Variants in PANK4 observed in about 807,000 individuals in gnomAD.
The protein encoded by PANK4 is pantothenate kinase 4 (inactive).
PANK4 carries 40 observed loss-of-function variants against 87.9 expected under a neutral mutation model. That is an observed-to-expected ratio of 0.46 (90% CI 0.35 to 0.59). The LOEUF (loss-of-function observed/expected upper bound fraction) is 0.59. Among genes scored for constraint, PANK4 ranks in the 20% least tolerant of loss-of-function variants. PANK4 has a pLI of 0.00. For synonymous variants in PANK4, 524 were observed against 467.4 expected (o/e 1.12, Z -1.56); for missense variants, 926 against 1,072.3 (o/e 0.86, Z 1.90).
At chr1:2,524,963 G>C (rs896023032) in intron 1 of PANK4, among the ~76,000 whole-genome samples, 4 of 152,126 alleles carry the variant, frequency 2.6e-5, no homozygotes, top group Non-Finnish European at 5.9e-5. Context: ...TCAGTCCCAA[G>C]TCCTATCAGC....
At chr1:2,521,544 C>G in intron 2 of PANK4, 174 bp downstream of exon 2, 1 of 731,024 alleles carries the variant, frequency 1.4e-6, no homozygotes, top group Non-Finnish European at 2.4e-6. Flanking sequence ...CAGGTTCCTA[C>G]AAAGGGTCTT....
chr1:2,523,618 C>T lies in PANK4; in HGVS notation c.125-1818G>A, dbSNP rs571439263. ...GGGGTGGGTTGGTTTCTGCAAGATA[C>T]GCATCCTCCCTCCCTGAGACCCCTG... is the stretch of plus-strand genomic sequence containing the variant. On this transcript the variant is annotated intron_variant, in intron 1 of 18. Transcript: ENST00000378466. Among the ~76,000 whole-genome samples the T allele has an allele frequency of 2.0e-5, 3 of 152,310 alleles. No homozygotes were observed. The South Asian group carries it at 6.2e-4, about 32-fold the overall frequency.
chr1:2,525,401 A>T (rs1324257299), intron 1 of PANK4, among the ~76,000 whole-genome samples: 1 of 152,080 alleles, frequency 6.6e-6, no homozygotes, highest in African/African-American at 2.4e-5. Context: ...AAGCAGACTC[A>T]GCCTACGACC....
chr1:2,522,820 GGTGC>G, intron 1 of PANK4, among the ~76,000 whole-genome samples: 5 of 1,386 alleles, frequency 3.6e-3, no homozygotes, highest in Admixed American at 6.5e-3. Context: ...GGCACTGGAT[GGTGC>G]TATAGTGACT....
chr1:2,512,599 T>C lies in PANK4; in HGVS notation c.1727+289A>G, dbSNP rs78763716. 1.2e-3 allele frequency: 539 copies of C among 446,160 alleles called. 2 individuals are homozygous for C. Among genetic ancestry groups the C allele is most frequent in the African/African-American group, 9.9e-3 (487 of 49,362 alleles). 27.6% of individuals were successfully genotyped at this position (446,160 alleles called of 1,614,324 possible). On this transcript the variant is annotated intron_variant, in intron 13 of 18. Coordinates refer to ENST00000378466, the MANE Select transcript of PANK4 (RefSeq NM_018216.4). ...GAAACATGAATTTGGATTCTGACAATAGAAAATGCCAGCCCCGATTTTCAA... is the reference window on the plus strand; with the variant it reads ...GAAACATGAATTTGGATTCTGACAACAGAAAATGCCAGCCCCGATTTTCAA...
chr1:2,509,045 C>G lies in PANK4; in HGVS notation c.2124G>C (p.Gly708=), dbSNP rs1643616413. 6.3e-7 allele frequency: 1 copy of G among 1,598,750 alleles called. No individual in the cohort carries two copies. The highest frequency in any genetic ancestry group is 8.5e-7 in the Non-Finnish European group (1 of 1,178,702). ...CACGCTCCCGCACCAGTGCGGCCAG[C>G]CCCTTATCCAGGCGGCTTTGGGGAG... is the stretch of plus-strand genomic sequence containing the variant. ...PCLDLSRLDK[G]LAALVRERGA... is the part of the protein sequence containing the mutation. The change falls in exon 19 of 19, where the codon GGG becomes GGC. Residue 708 remains glycine (G), a synonymous_variant. Transcript: ENST00000378466. The surrounding 1 kb of genome is among the most constrained non-coding windows in gnomAD (Gnocchi z 4.9).
chr1:2,511,491 C>T (rs1643660998), intron 14 of PANK4, 104 bp from the exon 15 acceptor site: 4 of 1,105,496 alleles, frequency 3.6e-6, no homozygotes, highest in Admixed American at 3.4e-5. Flanking sequence ...GTTCTCCCCG[C>T]CCCCGAAGCC....
At position 2,515,113 on chromosome 1, in the gene PANK4, G is replaced by A; in HGVS notation, c.1374+449C>T. 2.8e-6 allele frequency: 1 copy of A among 360,304 alleles called. No homozygotes were observed. The highest frequency in any genetic ancestry group is 5.5e-6 in the Non-Finnish European group (1 of 182,242). The allele number at this position is 360,304 out of a possible 1,614,324, so 22.3% of individuals were successfully genotyped here. A position where few individuals can be genotyped will look rare whatever the true frequency, so the allele number is the denominator to read the frequency against. On this transcript the variant is annotated intron_variant, in intron 10 of 18. Transcript: ENST00000378466. The surrounding 1 kb of genome is among the most constrained non-coding windows in gnomAD (Gnocchi z 5.0). The stretch of plus-strand genomic sequence containing the variant: ...GAGGGGCAGCGTGGCCCAGGGCCTG[G>A]CATTTGCTCCACGGGACCAGCCCAG...
At chr1:2,522,201 G>A (rs139157953) in intron 1 of PANK4, among the ~76,000 whole-genome samples, 147 of 152,286 alleles carry the variant, frequency 9.7e-4, no homozygotes, top group African/African-American at 3.3e-3. Context: ...GGCTGTTTTC[G>A]TTTTAAGAAG....
In PANK4 at chr1:2,510,865, C is replaced by G; in HGVS notation, c.1834-83G>C. Reference sequence around the variant, plus strand: ...CGCACCCCTGCTGCCCGTCACGCTGCCCTGCAGGGGCCGAGACTGGGGGCT... The same window carrying G: ...CGCACCCCTGCTGCCCGTCACGCTGGCCTGCAGGGGCCGAGACTGGGGGCT... On this transcript the variant is annotated intron_variant, in intron 15 of 18. Transcript: ENST00000378466. This position sits in a 1 kb window ranked among gnomAD's most constrained non-coding sequence, Gnocchi z 4.9. 1.2e-6 allele frequency: 1 copy of G among 838,688 alleles called. No individual in the cohort carries two copies. The highest frequency in any genetic ancestry group is 2.1e-6 in the Non-Finnish European group (1 of 486,990). The allele number at this position is 838,688 out of a possible 1,614,324, so 52.0% of individuals were successfully genotyped here.
rs779889996 is a variant in PANK4, at chr1:2,510,034, C to G, written c.2039+23G>C. The G allele has an allele frequency of 1.3e-6, 2 of 1,589,098 alleles. No homozygotes were observed. The highest frequency in any genetic ancestry group is 8.6e-7 in the Non-Finnish European group (1 of 1,163,052). Reference sequence around the variant, plus strand: ...GTGCCCCTCCCCATCAAGGCCCCCCCAGCACTGCCCGCCAACACTCACTGC... The same window carrying G: ...GTGCCCCTCCCCATCAAGGCCCCCCGAGCACTGCCCGCCAACACTCACTGC... On this transcript the variant is annotated intron_variant, in intron 17 of 18. Transcript: ENST00000378466. This position sits in a 1 kb window ranked among gnomAD's most constrained non-coding sequence, Gnocchi z 4.9.
chr1:2,520,749 T>A lies in PANK4; in HGVS notation c.580A>T (p.Ile194Phe). The A allele has an allele frequency of 1.9e-6, 3 of 1,613,360 alleles. No individual in the cohort carries two copies. Among genetic ancestry groups the A allele is most frequent in the Non-Finnish European group, 2.5e-6 (3 of 1,179,836 alleles). Residue 194 changes from isoleucine to phenylalanine, a missense_variant, in exon 4 of 19, where the codon ATC becomes TTC. Ile to Phe is a conservative substitution (Grantham distance 21). Coordinates refer to ENST00000378466, the MANE Select transcript of PANK4 (RefSeq NM_018216.4). The surrounding 1 kb of genome is among the most constrained non-coding windows in gnomAD (Gnocchi z 6.2). ...PHIFPYLLVN[I>F]GSGVSIVKVE... Reference sequence around the variant, plus strand: ...TTCACGATGGAGACTCCAGAGCCGATATTGACAAGAAGATAGGGGAAAATG... The same window carrying A: ...TTCACGATGGAGACTCCAGAGCCGAAATTGACAAGAAGATAGGGGAAAATG...
At chr1:2,522,984 G>A (rs1035572386) in intron 1 of PANK4, among the ~76,000 whole-genome samples, 1 of 152,170 alleles carries the variant, frequency 6.6e-6, no homozygotes, top group Non-Finnish European at 1.5e-5. Flanking sequence ...GGCACTGGAT[G>A]GTGCTATAGT....
In PANK4 at chr1:2,515,461, T is replaced by G; in HGVS notation, c.1374+101A>C. On this transcript the variant is annotated intron_variant, in intron 10 of 18. Coordinates refer to ENST00000378466, the MANE Select transcript of PANK4 (RefSeq NM_018216.4). This position sits in a 1 kb window ranked among gnomAD's most constrained non-coding sequence, Gnocchi z 5.0. Reference sequence around the variant, plus strand: ...AGATCAAGGGGTTTCTGGACAACACTGGCCTGTCCCCCTTCGCCACCTTGG... The same window carrying G: ...AGATCAAGGGGTTTCTGGACAACACGGGCCTGTCCCCCTTCGCCACCTTGG... 7.7e-7 allele frequency: 1 copy of G among 1,305,596 alleles called. No individual in the cohort carries two copies. Among genetic ancestry groups the G allele is most frequent in the Non-Finnish European group, 1.1e-6 (1 of 907,218 alleles). 80.9% of individuals were successfully genotyped at this position (1,305,596 alleles called of 1,614,324 possible).
In PANK4 at chr1:2,520,215, G is replaced by A; in HGVS notation, c.699+107C>T. 1 of 1,068,118 alleles carries A rather than the reference G, an allele frequency of 9.4e-7. No homozygotes were observed. Among genetic ancestry groups the A allele is most frequent in the Non-Finnish European group, 1.4e-6 (1 of 699,908 alleles). The allele number at this position is 1,068,118 out of a possible 1,614,324, so 66.2% of individuals were successfully genotyped here. A position where few individuals can be genotyped will look rare whatever the true frequency, so the allele number is the denominator to read the frequency against. ...CCAGAGACCCACTGACGCGAGTCAG[G>A]AGGGAGGCCCGGAAGCAGCTTTTGC... On this transcript the variant is annotated intron_variant, in intron 5 of 18. Coordinates refer to ENST00000378466, the MANE Select transcript of PANK4 (RefSeq NM_018216.4). The surrounding 1 kb of genome is among the most constrained non-coding windows in gnomAD (Gnocchi z 6.2).
In PANK4 at chr1:2,509,801, T is replaced by G; in HGVS notation, c.2108+61A>C. 6.8e-7 allele frequency: 1 copy of G among 1,470,314 alleles called. No individual in the cohort carries two copies. Among genetic ancestry groups the G allele is most frequent in the South Asian group, 1.2e-5 (1 of 86,524 alleles). 91.1% of individuals were successfully genotyped at this position (1,470,314 alleles called of 1,614,324 possible). A position where few individuals can be genotyped will look rare whatever the true frequency, so the allele number is the denominator to read the frequency against. On this transcript the variant is annotated intron_variant, in intron 18 of 18. Transcript: ENST00000378466. The surrounding 1 kb of genome is among the most constrained non-coding windows in gnomAD (Gnocchi z 4.9). ...TGTCCCGCATGCACCTGGGTGCAGGTGCACGGCACAGAGGGCACAGAGCCC... is the reference window on the plus strand; with the variant it reads ...TGTCCCGCATGCACCTGGGTGCAGGGGCACGGCACAGAGGGCACAGAGCCC...
In PANK4 at chr1:2,520,035, G is replaced by A. The variant is rs1338909465; in HGVS notation, c.700-81C>T. ...GACCCCAGAAACCAAGCCCATGGCA[G>A]GAGGCACGCGCGGGCAGGGGGTAAA... On this transcript the variant is annotated intron_variant, in intron 5 of 18. Transcript: ENST00000378466. This position sits in a 1 kb window ranked among gnomAD's most constrained non-coding sequence, Gnocchi z 6.2. 5.1e-6 allele frequency: 7 copies of A among 1,361,008 alleles called. No individual in the cohort carries two copies. The highest frequency in any genetic ancestry group is 6.9e-6 in the Non-Finnish European group (7 of 1,009,212). The allele number at this position is 1,361,008 out of a possible 1,614,324, so 84.3% of individuals were successfully genotyped here. A position where few individuals can be genotyped will look rare whatever the true frequency, so the allele number is the denominator to read the frequency against.
rs766740040 is a variant in PANK4 at position 2,520,393 on chromosome 1, C to G, written c.628G>C (p.Glu210Gln). Residue 210 changes from glutamate to glutamine, a missense_variant, in exon 5 of 19, where the codon GAG (glutamate) becomes CAG (glutamine). Glu to Gln is a conservative substitution (Grantham distance 29). Transcript: ENST00000378466. The surrounding 1 kb of genome is among the most constrained non-coding windows in gnomAD (Gnocchi z 6.2). The part of the protein sequence containing the change: ...IVKVETEDRF[E>Q]WVGGSSIGGG... ...CCAATGGAGCTGCCGCCGACCCACT[C>G]GAACCTGTCCTCCGTCTCCACCTGC... is the stretch of plus-strand genomic sequence containing the variant. 1.2e-6 allele frequency: 2 copies of G among 1,612,792 alleles called. No homozygotes were observed. Among genetic ancestry groups the G allele is most frequent in the Non-Finnish European group, 1.7e-6 (2 of 1,179,958 alleles).
At chr1:2,518,850 T>C (rs1003622490) in intron 7 of PANK4, among the ~76,000 whole-genome samples, 11 of 152,188 alleles carry the variant, frequency 7.2e-5, no homozygotes, top group African/African-American at 2.7e-4. Context: ...GCGTCAGGCA[T>C]GTGGGTGGGC....
Sources: allele counts gnomAD v4.1 joint callset (sites outside exome capture counted in the v4.1 genomes callset), GRCh38; gene constraint gnomAD v4.1.1; non-coding constraint Gnocchi (gnomAD v3.1); transcripts MANE v1.5; gene names NCBI Gene and HGNC (gene_info 2026-07-23, HGNC 2026-07-21).